CNTNAP5: variants seen among roughly 807,000 people sequenced by gnomAD.
CNTNAP5 encodes the protein contactin-associated protein-like 5.
A neutral mutation model predicts 150.2 loss-of-function variants in CNTNAP5; 72 were observed. The observed-to-expected ratio is 0.48, with a 90% confidence interval of 0.40 to 0.58. CNTNAP5 has a LOEUF of 0.58. CNTNAP5 is among the 20% of genes least tolerant of loss of function. CNTNAP5 has a pLI of 0.00. For missense variants in CNTNAP5, 1,636 were observed against 1,626.2 expected, an observed-to-expected ratio of 1.01 and a Z score of -0.10; for synonymous variants, 672 against 619.8, an observed-to-expected ratio of 1.08 and a Z score of -1.25.
chr2:124,812,085 T>A (rs1289047531), intron 19 of CNTNAP5, among the ~76,000 whole-genome samples: 1 of 82,678 alleles, frequency 1.2e-5, no homozygotes, highest in African/African-American at 4.7e-5. Flanking sequence ...TATTTATATA[T>A]TATATAATAT....
intron 8 of CNTNAP5, among the ~76,000 whole-genome samples, chr2:124,505,346 C>T (rs1419585966): frequency 6.6e-6 from 1 of 152,018 alleles, no homozygotes; most frequent in Non-Finnish European, 1.5e-5. Flanking sequence ...CCTGAATTTG[C>T]CTGACTTCCA....
chr2:124,327,664 C>T (rs1483547000), intron 3 of CNTNAP5, among the ~76,000 whole-genome samples: 1 of 152,192 alleles, frequency 6.6e-6, no homozygotes, highest in Non-Finnish European at 1.5e-5. Flanking sequence ...TTGATGATAA[C>T]TCTTTCAACC....
rs5834090 is a variant in CNTNAP5 at position 124,875,698 on chromosome 2, G to GTT, written c.3436+5952_3436+5953dup. 3.4e-4 allele frequency among the ~76,000 whole-genome samples: 43 copies of GTT among 126,760 alleles called. 1 individual carries two copies. The highest frequency in any genetic ancestry group is 4.9e-4 in the African/African-American group (17 of 34,370). 83.2% of individuals were successfully genotyped at this position (126,760 alleles called of 152,430 possible). ...AGAAACGTAAAAGAGAACCATGAGG[G>GTT]TTTTTTTTTTTTTTTTTCTGTTTTC... On this transcript the variant is annotated intron_variant, in intron 21 of 23. Transcript: ENST00000682447.
rs147099645 is a variant in CNTNAP5 at position 124,920,038 on chromosome 2, G to T, written c.*5750G>T. Among the ~76,000 whole-genome samples, 12 of 151,974 alleles carry T rather than the reference G, an allele frequency of 7.9e-5. No individual in the cohort carries two copies. The highest frequency in any genetic ancestry group is 3.9e-4 in the East Asian group (2 of 5,142). ...TGTCCCAGCCCTGACAACGAGTACC[G>T]CCAGGGACCTACCATCTAACACCAT... On this transcript the variant is annotated 3_prime_UTR_variant, in exon 24 of 24. Transcript: ENST00000682447.
At chr2:124,752,984 C>A (rs190544521) in intron 14 of CNTNAP5, among the ~76,000 whole-genome samples, 1 of 152,284 alleles carries the variant, frequency 6.6e-6, no homozygotes, top group East Asian at 1.9e-4. Flanking sequence ...GTCTTCTCAT[C>A]CAAACAACCA....
At chr2:124,442,852 C>T (rs1692708538) in intron 5 of CNTNAP5, among the ~76,000 whole-genome samples, 1 of 152,142 alleles carries the variant, frequency 6.6e-6, no homozygotes, top group Non-Finnish European at 1.5e-5. Context: ...AAAAGATTTT[C>T]AACCTTATTC....
chr2:124,817,313 T>G (rs967307903), intron 19 of CNTNAP5, among the ~76,000 whole-genome samples: 5 of 152,192 alleles, frequency 3.3e-5, no homozygotes, highest in Non-Finnish European at 5.9e-5. Flanking sequence ...TCTCCTAAAG[T>G]AGATGCATTC....
At chr2:124,267,623 T>G (rs776109549) in intron 3 of CNTNAP5, among the ~76,000 whole-genome samples, 37 of 152,178 alleles carry the variant, frequency 2.4e-4, no homozygotes, top group Non-Finnish European at 1.5e-4. Context: ...GGGAGAACAT[T>G]TTGATACAAA....
chr2:124,789,713 T>A (rs1279879139), intron 17 of CNTNAP5, among the ~76,000 whole-genome samples, 189 bp from the exon 18 acceptor site: 1 of 152,194 alleles, frequency 6.6e-6, no homozygotes, highest in Non-Finnish European at 1.5e-5. Flanking sequence ...GCTCCACCAT[T>A]GTTTCTAGGA....
chr2:124,434,050 T>C (rs1692460542), intron 4 of CNTNAP5, among the ~76,000 whole-genome samples: 1 of 152,060 alleles, frequency 6.6e-6, no homozygotes, highest in Admixed American at 6.6e-5. Flanking sequence ...CTATGTGGAG[T>C]TGGCATCATA....
intron 1 of CNTNAP5, among the ~76,000 whole-genome samples, chr2:124,188,200 GAGA>G (rs1431620673): frequency 1.3e-5 from 2 of 152,148 alleles, no homozygotes; most frequent in African/African-American, 4.8e-5. Flanking sequence ...TGTTTTACAT[GAGA>G]AGAAGAGGTA....
chr2:124,899,735 T>G (rs1678377689), intron 21 of CNTNAP5, among the ~76,000 whole-genome samples: 1 of 151,368 alleles, frequency 6.6e-6, no homozygotes, highest in Non-Finnish European at 1.5e-5. Context: ...TAAGTTTGTC[T>G]TCAACATCCA....
intron 3 of CNTNAP5, among the ~76,000 whole-genome samples, chr2:124,392,750 G>A (rs1360971834): frequency 6.8e-6 from 1 of 147,500 alleles, no homozygotes. Flanking sequence ...GAAAGGAAGG[G>A]AAGGAGAATG....
At chr2:124,139,936 C>T (rs923660255) in intron 1 of CNTNAP5, among the ~76,000 whole-genome samples, 14 of 152,062 alleles carry the variant, frequency 9.2e-5, no homozygotes, top group Admixed American at 2.6e-4. Context: ...GTGCGCGCAC[C>T]GTGCACGAGC....
intron 12 of CNTNAP5, among the ~76,000 whole-genome samples, chr2:124,641,171 C>T (rs1478501115): frequency 6.6e-6 from 1 of 150,740 alleles, no homozygotes; most frequent in African/African-American, 2.4e-5. Flanking sequence ...GACGGAGGAG[C>T]ACCACTCAGA....
At chr2:124,304,669 G>A (rs192425344) in intron 3 of CNTNAP5, among the ~76,000 whole-genome samples, 3 of 152,258 alleles carry the variant, frequency 2.0e-5, no homozygotes, top group Admixed American at 6.5e-5. Flanking sequence ...ATGAGAAAAC[G>A]AAGGAGGAAA....
intron 12 of CNTNAP5, among the ~76,000 whole-genome samples, chr2:124,638,610 A>G (rs1416413298): frequency 6.6e-6 from 1 of 152,236 alleles, no homozygotes; most frequent in African/African-American, 2.4e-5. Flanking sequence ...AAAGTCAAAT[A>G]CAGACAAATA....
intron 3 of CNTNAP5, among the ~76,000 whole-genome samples, chr2:124,312,954 C>T (rs956534406): frequency 6.6e-6 from 1 of 152,240 alleles, no homozygotes; most frequent in African/African-American, 2.4e-5. Flanking sequence ...ATCTGCCCGC[C>T]TTGGCTTCCC....
chr2:124,818,997 G>C lies in CNTNAP5; in HGVS notation c.3217+20677G>C, dbSNP rs1682428904. ...CAGTTTCATGTAGATCCCTTGTCTGGGCCCTACATGTCACCTTGTCTGGCA... is the reference window on the plus strand; with the variant it reads ...CAGTTTCATGTAGATCCCTTGTCTGCGCCCTACATGTCACCTTGTCTGGCA... On this transcript the variant is annotated intron_variant, in intron 19 of 23. Transcript: ENST00000682447. 2.0e-5 allele frequency among the ~76,000 whole-genome samples: 3 copies of C among 151,968 alleles called. No individual in the cohort carries two copies. The South Asian group carries it at 6.2e-4, about 32-fold the overall frequency.
Sources: allele counts gnomAD v4.1 joint callset (sites outside exome capture counted in the v4.1 genomes callset), GRCh38; gene constraint gnomAD v4.1.1; transcripts MANE v1.5; gene names NCBI Gene and HGNC (gene_info 2026-07-23, HGNC 2026-07-21).